Variants in PHF12 observed in about 807,000 individuals in gnomAD.
PHF12 encodes PHD factor 1.
In PHF12, 6 loss-of-function variants were observed where a neutral mutation model predicts 99.8. That is an observed-to-expected ratio of 0.06 (90% confidence interval 0.03 to 0.12). The LOEUF (loss-of-function observed/expected upper bound fraction) is 0.12. PHF12 is among the 10% of genes least tolerant of loss of function. PHF12 has a pLI of 1.00. For missense variants in PHF12, 954 were observed against 1,300.1 expected, an observed-to-expected ratio of 0.73 and a Z score of 4.09; for synonymous variants, 480 against 514.9, an observed-to-expected ratio of 0.93 and a Z score of 0.92.
At chr17:28,907,478 G>T (rs1194956911) in intron 13 of PHF12, 112 bp downstream of exon 13, 3 of 1,024,344 alleles carry the variant, frequency 2.9e-6, no homozygotes, top group South Asian at 1.4e-5. Flanking sequence ...GGAAGAAAAA[G>T]AGAGGACCCC....
At chr17:28,919,476 T>C (rs192702116) in intron 5 of PHF12, among the ~76,000 whole-genome samples, 1 of 152,364 alleles carries the variant, frequency 6.6e-6, no homozygotes, top group African/African-American at 2.4e-5. Context: ...CTCACGCCTA[T>C]AATCCCTGCA....
intron 2 of PHF12, among the ~76,000 whole-genome samples, chr17:28,947,720 G>C (rs2040743952): frequency 6.6e-6 from 1 of 152,100 alleles, no homozygotes; most frequent in South Asian, 2.1e-4. Flanking sequence ...AAGACTTCCT[G>C]CCTTTGCACC....
In PHF12 at chr17:28,945,319, G is replaced by A. The variant is rs142024609; in HGVS notation, c.248+4746C>T. 8 of 152,260 alleles carry A rather than the reference G, an allele frequency of 5.3e-5. 1 individual carries two copies. The South Asian group carries it at 1.0e-3, about 20-fold the overall frequency. The allele number at this position is 152,260 out of a possible 1,614,324, so 9.4% of individuals were successfully genotyped here. On this transcript the variant is annotated intron_variant, in intron 2 of 14. Transcript: ENST00000332830. ...ATTCTATGTGTGAAACCTTTGTTAC[G>A]ACTCACTGAAAATATGCAAAACTCC...
chr17:28,926,921 G>A (rs560474254), intron 3 of PHF12, 70 bp downstream of exon 3: 32 of 1,605,892 alleles, frequency 2.0e-5, no homozygotes, highest in African/African-American at 4.0e-5. Flanking sequence ...GGGCTAGGCC[G>A]TCTTAGCTCT....
chr17:28,944,644 C>T, intron 2 of PHF12: 2 of 343,156 alleles, frequency 5.8e-6, no homozygotes, highest in Non-Finnish European at 8.2e-6. Flanking sequence ...GAGACTCTGT[C>T]TCAAAAAAGA....
chr17:28,911,171 T>G lies in PHF12; in HGVS notation c.2156A>C (p.Asn719Thr). 16 of 1,613,856 alleles carry G rather than the reference T, an allele frequency of 9.9e-6. No homozygotes were observed. Among genetic ancestry groups the G allele is most frequent in the Non-Finnish European group, 1.4e-5 (16 of 1,179,950 alleles). Residue 719 changes from asparagine to threonine, a missense_variant, in exon 10 of 15, where the codon AAC becomes ACC. Asn to Thr is a moderately conservative substitution (Grantham distance 65). Coordinates refer to ENST00000332830, the MANE Select transcript of PHF12 (RefSeq NM_001033561.2). ...GGTGAGGTCCACCATGGCAGTAGAG[T>G]TGGCTGGGAAAGAGGGTACGGTTAA... ...SALTVPSFPA[N>T]STAMVDLTNS...
intron 2 of PHF12, among the ~76,000 whole-genome samples, chr17:28,939,674 A>G (rs1312277009): frequency 6.6e-6 from 1 of 152,236 alleles, no homozygotes; most frequent in African/African-American, 2.4e-5. Context: ...TGTGCATTTC[A>G]TTAGTTTCTC....
Position 28,912,669 on chromosome 17 carries a change from G to A in PHF12, c.1902C>T (p.Ser634=), listed in dbSNP as rs1426751954. ...LPPSIPSSCA[S]IENTSTLQRK... Reference sequence around the variant, plus strand: ...TTTGCAAAGTGCTGGTGTTCTCGATGCTGGCACAAGAGCTGGGAATGGAAG... The same window carrying A: ...TTTGCAAAGTGCTGGTGTTCTCGATACTGGCACAAGAGCTGGGAATGGAAG... The change falls in exon 9 of 15, where the codon AGC becomes AGT. Residue 634 remains serine (S), a synonymous_variant. Coordinates refer to ENST00000332830, the MANE Select transcript of PHF12 (RefSeq NM_001033561.2). 3.7e-6 allele frequency: 6 copies of A among 1,614,128 alleles called. No homozygotes were observed. Among genetic ancestry groups the A allele is most frequent in the Non-Finnish European group, 5.1e-6 (6 of 1,180,058 alleles).
chr17:28,910,139 G>T, intron 11 of PHF12, 87 bp downstream of exon 11: 1 of 1,574,556 alleles, frequency 6.4e-7, no homozygotes, highest in Non-Finnish European at 8.7e-7. Flanking sequence ...GATACTGGAA[G>T]CTCAGATTCT....
rs2040769749 is a variant in PHF12, at chr17:28,949,393, G to C, written c.248+672C>G. Reference sequence around the variant, plus strand: ...CAGAGAAAGGGGATCAAAGCGGCGAGATCCCAGACGGGGCCCCCGAGGAGC... The same window carrying C: ...CAGAGAAAGGGGATCAAAGCGGCGACATCCCAGACGGGGCCCCCGAGGAGC... On this transcript the variant is annotated intron_variant, in intron 2 of 14. Coordinates refer to ENST00000332830, the MANE Select transcript of PHF12 (RefSeq NM_001033561.2). This position sits in a 1 kb window ranked among gnomAD's most constrained non-coding sequence, Gnocchi z 4.6. Among the ~76,000 whole-genome samples, 1 of 152,182 alleles carries C rather than the reference G, an allele frequency of 6.6e-6. No homozygotes were observed. Among genetic ancestry groups the C allele is most frequent in the South Asian group, 2.1e-4 (1 of 4,822 alleles).
chr17:28,936,156 C>T (rs1023878023), intron 2 of PHF12, among the ~76,000 whole-genome samples: 1 of 152,216 alleles, frequency 6.6e-6, no homozygotes, highest in Non-Finnish European at 1.5e-5. Context: ...TGATCTGAGT[C>T]TAACCTCACT....
intron 2 of PHF12, among the ~76,000 whole-genome samples, chr17:28,933,173 C>T (rs2040446064): frequency 6.6e-6 from 1 of 152,178 alleles, no homozygotes; most frequent in Non-Finnish European, 1.5e-5. Flanking sequence ...TCACGTAACA[C>T]TGAGATTACT....
intron 7 of PHF12, among the ~76,000 whole-genome samples, chr17:28,916,202 C>CT (rs973106015): frequency 9.3e-5 from 14 of 151,330 alleles, no homozygotes; most frequent in Non-Finnish European, 1.0e-4. Context: ...TGTGACTGAC[C>CT]TTTTTTTTTG....
intron 2 of PHF12, among the ~76,000 whole-genome samples, chr17:28,939,871 G>C (rs1477871088): frequency 1.3e-5 from 2 of 152,092 alleles, no homozygotes; most frequent in Non-Finnish European, 2.9e-5. Flanking sequence ...GATGTCTTTG[G>C]GCTACCGTTA....
chr17:28,942,571 A>G (rs2040637884), intron 2 of PHF12, among the ~76,000 whole-genome samples: 1 of 152,164 alleles, frequency 6.6e-6, no homozygotes, highest in Non-Finnish European at 1.5e-5. Flanking sequence ...TAATCCCAGC[A>G]CTTTGCGAGG....
At chr17:28,944,459 A>G (rs2040684516) in intron 2 of PHF12, 3 of 959,316 alleles carry the variant, frequency 3.1e-6, no homozygotes, top group Non-Finnish European at 3.7e-6. Context: ...TAAGCCCTAC[A>G]TTAAGAAGCA....
At chr17:28,927,103 C>G (rs1181633545) in intron 2 of PHF12, 40 bp from the exon 3 acceptor site, 2 of 1,567,150 alleles carry the variant, frequency 1.3e-6, no homozygotes, top group East Asian at 2.2e-5. Context: ...ATAACTAGCC[C>G]TTTGAGGCAG....
intron 6 of PHF12, 58 bp downstream of exon 6, chr17:28,919,085 A>G (rs1356803791): frequency 3.9e-6 from 6 of 1,543,444 alleles, no homozygotes; most frequent in South Asian, 3.7e-5. Flanking sequence ...GCTTTCTGCT[A>G]ATCAGTCCAC....
In PHF12 at chr17:28,913,210, G is replaced by A. The variant is rs749301991; in HGVS notation, c.1361C>T (p.Ser454Leu). Residue 454 changes from serine to leucine, a missense_variant, in exon 9 of 15, where the codon TCG becomes TTG. Around this residue, in one of 8 missense-constraint regions of PHF12, gnomAD observed 392 missense variants for 423.1 expected, o/e 0.93. Transcript: ENST00000332830. Reference sequence around the variant, plus strand: ...CTCTGTCTGTTCAGAGTCCCAATGCGAAGGCATCTGCTTAGCAGATAAATG... The same window carrying A: ...CTCTGTCTGTTCAGAGTCCCAATGCAAAGGCATCTGCTTAGCAGATAAATG... ...LKHLSAKQMP[S>L]HWDSEQTEKA... 9.3e-6 allele frequency: 15 copies of A among 1,614,026 alleles called. No individual in the cohort carries two copies. Among genetic ancestry groups the A allele is most frequent in the Middle Eastern group, 1.6e-4 (1 of 6,084 alleles).
Sources: gnomAD v4.1 joint callset for allele counts (sites outside exome capture counted in the v4.1 genomes callset) on GRCh38, gnomAD v4.1.1 for gene constraint, gnomAD v4.1.1 regional missense constraint, Gnocchi (gnomAD v3.1) non-coding constraint, MANE v1.5 for transcripts, NCBI Gene and HGNC (gene_info 2026-07-23, HGNC 2026-07-21) for gene names.